The following PPP1R1C variants were observed in gnomAD, a reference collection of about 807,000 sequenced individuals.
PPP1R1C encodes the protein protein phosphatase 1 regulatory subunit 1C.
In PPP1R1C, 15 loss-of-function variants were observed where a neutral mutation model predicts 17.4. The ratio of observed to expected loss-of-function variants is 0.86; its 90% CI spans 0.58 to 1.33. PPP1R1C has a LOEUF of 1.33. Ranked by LOEUF, PPP1R1C falls within the 40% of genes most tolerant of loss-of-function variation. PPP1R1C has a pLI of 0.00. For synonymous variants in PPP1R1C, 35 were observed against 43.1 expected (o/e 0.81, Z 0.73); for missense variants, 143 against 130.0 (o/e 1.10, Z -0.48).
intron 4 of PPP1R1C, among the ~76,000 whole-genome samples, chr2:182,099,176 C>A (rs770783650): frequency 6.6e-5 from 10 of 152,134 alleles, no homozygotes; most frequent in Non-Finnish European, 1.3e-4. Context: ...AGATCATGGG[C>A]AACTCATGTA....
At chr2:182,118,526 G>C (rs982105885), downstream of PPP1R1C, among the ~76,000 whole-genome samples, 1 of 152,016 alleles carries the variant, frequency 6.6e-6, no homozygotes, top group Non-Finnish European at 1.5e-5. Context: ...ACAAATGAAG[G>C]CAGGAAGAAA....
chr2:181,974,109 C>A (rs1685057301), intron 1 of PPP1R1C, among the ~76,000 whole-genome samples: 1 of 151,678 alleles, frequency 6.6e-6, no homozygotes, highest in African/African-American at 2.4e-5. Context: ...ATTTATAAGG[C>A]TTTATATATG....
chr2:182,052,222 C>T (rs1002186071), intron 2 of PPP1R1C, among the ~76,000 whole-genome samples: 3 of 152,036 alleles, frequency 2.0e-5, no homozygotes, highest in Admixed American at 2.0e-4. Context: ...ATTTCTCTAA[C>T]CTCTTTCCTA....
At chr2:182,127,118 TCAGA>T (rs1689893783) in intron 5 of PPP1R1C, among the ~76,000 whole-genome samples, 1 of 152,066 alleles carries the variant, frequency 6.6e-6, no homozygotes, top group East Asian at 1.9e-4. Flanking sequence ...AAATAATTCT[TCAGA>T]CAAAGTGTTA....
At chr2:182,032,872 A>C (rs763424131) in intron 2 of PPP1R1C, among the ~76,000 whole-genome samples, 1 of 152,170 alleles carries the variant, frequency 6.6e-6, no homozygotes, top group Non-Finnish European at 1.5e-5. Context: ...CAAGCCTCTT[A>C]TTTTAAAAAC....
rs57341368 is a variant in PPP1R1C at position 181,970,135 on chromosome 2, G to GT, written n.112-5071dup. ...TCCATGGTGTCTTGTGCCTTATTTA[G>GT]TTTTTTTTTTTTTCCTTTGAGGTCA... On this transcript the variant is annotated intron_variant and non_coding_transcript_variant, in intron 1 of 5. Transcript: ENST00000464264. Among the ~76,000 whole-genome samples the GT allele has an allele frequency of 4.1e-3, 587 of 142,982 alleles. 1 individual carries two copies. The highest frequency in any genetic ancestry group is 8.2e-3 in the South Asian group (37 of 4,504). The allele number at this position is 142,982 out of a possible 152,430, so 93.8% of individuals were successfully genotyped here.
chr2:181,968,074 G>A (rs1410188237), intron 1 of PPP1R1C, among the ~76,000 whole-genome samples: 1 of 152,214 alleles, frequency 6.6e-6, no homozygotes, highest in Non-Finnish European at 1.5e-5. Context: ...TATGATTCCA[G>A]TTATGTTTTT....
downstream of PPP1R1C, chr2:182,130,792 A>G (rs1258404939): frequency 6.6e-6 from 1 of 152,182 alleles, no homozygotes; most frequent in African/African-American, 2.4e-5. Context: ...ACATTTGTCA[A>G]GTGTTTTAAA....
At chr2:181,966,421 TATG>T (rs1393066930) in intron 1 of PPP1R1C, among the ~76,000 whole-genome samples, 1 of 152,246 alleles carries the variant, frequency 6.6e-6, no homozygotes, top group Non-Finnish European at 1.5e-5. Flanking sequence ...CCCCATTCAG[TATG>T]ATACTAGCTG....
At chr2:182,016,358 G>T (rs755935530) in intron 2 of PPP1R1C, among the ~76,000 whole-genome samples, 5 of 152,088 alleles carry the variant, frequency 3.3e-5, no homozygotes, top group South Asian at 2.1e-4. Flanking sequence ...TTGATTTTTG[G>T]TTCTTTCTTA....
At chr2:182,029,336 T>C (rs1686738274) in intron 2 of PPP1R1C, among the ~76,000 whole-genome samples, 1 of 152,344 alleles carries the variant, frequency 6.6e-6, no homozygotes, top group Non-Finnish European at 1.5e-5. Context: ...GGCATGATTT[T>C]GTAGCGGCTG....
At chr2:181,986,242 A>C in intron 1 of PPP1R1C, 51 bp downstream of exon 1, 1 of 1,340,134 alleles carries the variant, frequency 7.5e-7, no homozygotes, top group Admixed American at 1.7e-5. Context: ...TAATATGAAC[A>C]TGCATTCTGG....
intron 4 of PPP1R1C, among the ~76,000 whole-genome samples, chr2:182,071,067 A>G (rs1361862110): frequency 2.0e-5 from 3 of 152,180 alleles, no homozygotes; most frequent in Non-Finnish European, 4.4e-5. Flanking sequence ...ACAATTGTAC[A>G]TGAGATTTGG....
At chr2:182,065,319 A>G (rs1191747374) in intron 4 of PPP1R1C, among the ~76,000 whole-genome samples, 1 of 152,172 alleles carries the variant, frequency 6.6e-6, no homozygotes, top group Non-Finnish European at 1.5e-5. Context: ...AAAAGAAAAG[A>G]GAAAGCTAAA....
chr2:181,991,438 TA>T, intron 2 of PPP1R1C, among the ~76,000 whole-genome samples: 1 of 152,168 alleles, frequency 6.6e-6, no homozygotes, highest in East Asian at 1.9e-4. Flanking sequence ...TGGCATGGGT[TA>T]GTAAATCAGT....
Position 181,965,645 on chromosome 2 carries a change from C to G in PPP1R1C, n.112-9574C>G, listed in dbSNP as rs1241589941. 2.0e-5 allele frequency among the ~76,000 whole-genome samples: 3 copies of G among 152,094 alleles called. No individual in the cohort carries two copies. The East Asian group carries it at 5.8e-4, about 29-fold the overall frequency. Reference sequence around the variant, plus strand: ...TTGTTTCCGGGTTCTCAGTTTGGTTCCATTGGTCTGTGTCTGTTTTTATGC... The same window carrying G: ...TTGTTTCCGGGTTCTCAGTTTGGTTGCATTGGTCTGTGTCTGTTTTTATGC... On this transcript the variant is annotated intron_variant and non_coding_transcript_variant, in intron 1 of 5. Transcript: ENST00000464264.
chr2:182,008,119 T>G (rs1417648553), intron 2 of PPP1R1C, among the ~76,000 whole-genome samples: 1 of 151,850 alleles, frequency 6.6e-6, no homozygotes, highest in African/African-American at 2.4e-5. Context: ...AATCAATACT[T>G]TTGCATAAAT....
At chr2:182,108,484 C>T (rs181651076) in intron 4 of PPP1R1C, among the ~76,000 whole-genome samples, 6 of 152,194 alleles carry the variant, frequency 3.9e-5, no homozygotes, top group South Asian at 2.1e-4. Context: ...AACTGTTTAA[C>T]GGTTTTAAAT....
At chr2:182,076,937 T>C (rs1688330909) in intron 4 of PPP1R1C, among the ~76,000 whole-genome samples, 1 of 152,192 alleles carries the variant, frequency 6.6e-6, no homozygotes, top group African/African-American at 2.4e-5. Flanking sequence ...ATCCTAAACT[T>C]TGTAAAAATA....
Sources: allele counts gnomAD v4.1 joint callset (sites outside exome capture counted in the v4.1 genomes callset), GRCh38; gene constraint gnomAD v4.1.1; transcripts MANE v1.5; gene names NCBI Gene and HGNC (gene_info 2026-07-23, HGNC 2026-07-21).